The following COXFA4 variants were observed in gnomAD, a reference collection of about 807,000 sequenced individuals.
COXFA4 encodes the protein cytochrome c oxidase subunit FA4.
the COXFA4 span, among the ~76,000 whole-genome samples, chr7:10,935,584 G>C: frequency 5.3e-5 from 8 of 152,160 alleles, no homozygotes; most frequent in African/African-American, 1.9e-4. Flanking sequence ...CTGGGCCTTT[G>C]AGAGGTAATT....
the COXFA4 span, chr7:10,938,972 T>C: frequency 6.3e-6 from 7 of 1,114,524 alleles, no homozygotes; most frequent in African/African-American, 9.2e-5. Flanking sequence ...CAGTAGTTTC[T>C]GCACATTGAT....
the COXFA4 span, chr7:10,938,697 C>A: frequency 1.3e-6 from 1 of 793,862 alleles, no homozygotes; most frequent in Non-Finnish European, 2.2e-6. Context: ...TATTGTATGA[C>A]TGTAAATGTA....
chr7:10,935,822 C>T, the COXFA4 span, among the ~76,000 whole-genome samples: 146 of 152,194 alleles, frequency 9.6e-4, no homozygotes, highest in African/African-American at 3.3e-3. Context: ...CAAATCTTAG[C>T]GGCTTACAAC....
the COXFA4 span, among the ~76,000 whole-genome samples, chr7:10,934,384 A>G: frequency 1.3e-5 from 2 of 151,532 alleles, no homozygotes; most frequent in Non-Finnish European, 2.9e-5. Context: ...TTTAAAAAAA[A>G]AAAAAAAAAA....
At chr7:10,932,336 C>T in the COXFA4 span, 38 of 152,294 alleles carry the variant, frequency 2.5e-4, no homozygotes, top group African/African-American at 8.9e-4. Context: ...AGCATGGAGT[C>T]TGGTAACTGA....
At chr7:10,937,575 G>C in the COXFA4 span, among the ~76,000 whole-genome samples, 1 of 152,258 alleles carries the variant, frequency 6.6e-6, no homozygotes, top group East Asian at 1.9e-4. Flanking sequence ...AAGCCACCGT[G>C]CCTGGCCTGC....
At chr7:10,933,927 T>C in the COXFA4 span, among the ~76,000 whole-genome samples, 3 of 152,194 alleles carry the variant, frequency 2.0e-5, no homozygotes, top group Admixed American at 1.3e-4. Flanking sequence ...AGCAGTATTA[T>C]AGTACAGTCT....
chr7:10,938,644 A>T, the COXFA4 span: 1 of 596,648 alleles, frequency 1.7e-6, no homozygotes, highest in Non-Finnish European at 3.0e-6. Context: ...AATTTCATGA[A>T]CCAAAAAAAG....
chr7:10,932,803 C>G, the COXFA4 span: 1 of 152,012 alleles, frequency 6.6e-6, no homozygotes, highest in African/African-American at 2.4e-5. Context: ...AACCCTGTCT[C>G]TAAAAAAAAT....
the COXFA4 span, among the ~76,000 whole-genome samples, chr7:10,936,916 G>A: frequency 6.6e-6 from 1 of 152,032 alleles, no homozygotes; most frequent in South Asian, 2.1e-4. Flanking sequence ...GCGTGCCATA[G>A]TTCCAGCTAC....
the COXFA4 span, among the ~76,000 whole-genome samples, chr7:10,934,452 T>C: frequency 6.6e-6 from 1 of 151,378 alleles, no homozygotes; most frequent in Non-Finnish European, 1.5e-5. Context: ...CCAGAGTTTC[T>C]ACTAAGGACA....
chr7:10,938,664 ACAG>A, the COXFA4 span: 1 of 643,266 alleles, frequency 1.6e-6, no homozygotes. Flanking sequence ...GTAAATGAAA[ACAG>A]CAGATTTGAG....
chr7:10,932,978 GAA>G, the COXFA4 span: 1 of 139,862 alleles, frequency 7.1e-6, no homozygotes, highest in Non-Finnish European at 1.6e-5. Flanking sequence ...AAAAAAAAAA[GAA>G]AAAAGAAAAG....
chr7:10,936,253 C>T, the COXFA4 span, among the ~76,000 whole-genome samples: 2 of 152,182 alleles, frequency 1.3e-5, no homozygotes, highest in African/African-American at 4.8e-5. Flanking sequence ...ACTCTGCTAT[C>T]AGTGTCATAG....
chr7:10,938,034 G>T, the COXFA4 span: 1 of 1,496,820 alleles, frequency 6.7e-7, no homozygotes, highest in South Asian at 1.1e-5. Context: ...CCCACCCCAT[G>T]ACAAAACTTA....
chr7:10,935,906 T>A, the COXFA4 span, among the ~76,000 whole-genome samples: 1 of 152,200 alleles, frequency 6.6e-6, no homozygotes, highest in African/African-American at 2.4e-5. Context: ...TCATTCCAAT[T>A]CTAAGGTGAA....
At chr7:10,933,771 T>C in the COXFA4 span, 2 of 1,084,202 alleles carry the variant, frequency 1.8e-6, no homozygotes. Context: ...TCTTTGTATT[T>C]GGTTTTCTAC....
the COXFA4 span, chr7:10,932,037 T>G: frequency 6.6e-6 from 1 of 152,232 alleles, no homozygotes; most frequent in Non-Finnish European, 1.5e-5. Context: ...AACTTTGAGG[T>G]AATTTGTGCC....
the COXFA4 span, among the ~76,000 whole-genome samples, chr7:10,937,301 T>A: frequency 1.8e-4 from 27 of 151,810 alleles, no homozygotes; most frequent in Non-Finnish European, 5.9e-5. Context: ...TTTTTTTTTT[T>A]AGACAGAGTC....
Sources: gnomAD v4.1 joint callset for allele counts (sites outside exome capture counted in the v4.1 genomes callset) on GRCh38, gnomAD v4.1.1 for gene constraint, MANE v1.5 for transcripts, NCBI Gene and HGNC (gene_info 2026-07-23, HGNC 2026-07-21) for gene names.